CDH18: variants seen among roughly 807,000 people sequenced by gnomAD.
CDH18 encodes the protein cadherin-18.
In CDH18, 31 loss-of-function variants were observed where a neutral mutation model predicts 67.9. The observed-to-expected ratio is 0.46, with a 90% confidence interval of 0.34 to 0.62. CDH18 has a LOEUF of 0.62. Among genes scored for constraint, CDH18 ranks in the 20% least tolerant of loss-of-function variants. The pLI is 0.01. For missense variants in CDH18, 890 were observed against 975.5 expected (o/e 0.91, Z 1.17); for synonymous variants, 362 against 347.2 (o/e 1.04, Z -0.48).
chr5:20,552,856 G>T (rs1350443985), intron 1 of CDH18, among the ~76,000 whole-genome samples: 2 of 151,926 alleles, frequency 1.3e-5, no homozygotes, highest in African/African-American at 4.8e-5. Context: ...CGCGGTTCAA[G>T]CAATTCTCCT....
intron 2 of CDH18, among the ~76,000 whole-genome samples, chr5:20,028,604 C>T (rs541534273): frequency 1.4e-3 from 212 of 152,222 alleles, no homozygotes; most frequent in African/African-American, 4.7e-3. Context: ...CCAATGGATG[C>T]CTGAAACCTC....
chr5:20,190,435 T>C (rs530352716), intron 2 of CDH18, among the ~76,000 whole-genome samples: 4 of 152,148 alleles, frequency 2.6e-5, no homozygotes, highest in Non-Finnish European at 5.9e-5. Flanking sequence ...AATCCCCGAT[T>C]GATACTCTTA....
chr5:19,680,536 A>G (rs1195879812), intron 5 of CDH18, among the ~76,000 whole-genome samples: 1 of 151,978 alleles, frequency 6.6e-6, no homozygotes, highest in Non-Finnish European at 1.5e-5. Context: ...TAATAAATGT[A>G]TAATAGCCAG....
intron 2 of CDH18, among the ~76,000 whole-genome samples, chr5:20,086,698 G>A (rs868246265): frequency 1.3e-5 from 2 of 152,242 alleles, no homozygotes; most frequent in Middle Eastern, 3.4e-3. Flanking sequence ...ATGACAGCAG[G>A]TCTGTTTACA....
At chr5:19,510,925 C>G (rs1265557411) in intron 10 of CDH18, among the ~76,000 whole-genome samples, 1 of 151,952 alleles carries the variant, frequency 6.6e-6, no homozygotes, top group Non-Finnish European at 1.5e-5. Context: ...GATTCTCCTG[C>G]CTCAGCCTCC....
intron 5 of CDH18, among the ~76,000 whole-genome samples, chr5:19,699,491 A>G (rs76759334): frequency 0.039 from 5,999 of 152,150 alleles, 387 homozygotes; most frequent in African/African-American, 0.14. Context: ...CCAATTTGTT[A>G]GTATTTGTAG....
chr5:19,726,324 T>C (rs1294788830), intron 4 of CDH18, among the ~76,000 whole-genome samples: 10 of 152,142 alleles, frequency 6.6e-5, no homozygotes, highest in Non-Finnish European at 1.5e-5. Context: ...AAAAGAATGG[T>C]CATTAACAGC....
In CDH18 at chr5:20,501,204, T is replaced by A. The variant is rs1581115567; in HGVS notation, c.-580+74258A>T. ...CATGATTTTCAAGATCTTCCCTAGCTTTAGCAACATGTAAAATTATTAAAT... is the reference window on the plus strand; with the variant it reads ...CATGATTTTCAAGATCTTCCCTAGCATTAGCAACATGTAAAATTATTAAAT... On this transcript the variant is annotated intron_variant, in intron 1 of 14. Transcript: ENST00000507958. Among the ~76,000 whole-genome samples the A allele has an allele frequency of 5.3e-5, 8 of 151,980 alleles. 2 individuals carry two copies. Among genetic ancestry groups the A allele is most frequent in the Admixed American group, 5.3e-4 (8 of 15,238 alleles).
At chr5:20,469,542 TG>T (rs1280349258) in intron 1 of CDH18, among the ~76,000 whole-genome samples, 1 of 152,204 alleles carries the variant, frequency 6.6e-6, no homozygotes, top group Non-Finnish European at 1.5e-5. Context: ...ACAAGTTTGC[TG>T]TAACGGATAC....
chr5:19,598,624 AATG>A (rs1403071198), intron 6 of CDH18, among the ~76,000 whole-genome samples: 5 of 152,176 alleles, frequency 3.3e-5, no homozygotes, highest in Non-Finnish European at 5.9e-5. Flanking sequence ...GAAAAAACTA[AATG>A]ATAATTGTAT....
intron 4 of CDH18, among the ~76,000 whole-genome samples, chr5:19,727,058 G>A (rs1014438375): frequency 1.3e-5 from 2 of 152,094 alleles, no homozygotes; most frequent in Non-Finnish European, 2.9e-5. Context: ...ACAAATAAAT[G>A]TTGTTTAAGC....
intron 1 of CDH18, among the ~76,000 whole-genome samples, chr5:20,295,100 C>T (rs991249862): frequency 1.3e-5 from 2 of 152,136 alleles, no homozygotes; most frequent in African/African-American, 4.8e-5. Flanking sequence ...GTTTTCTCCA[C>T]TGTTTTAAGA....
At chr5:19,541,151 A>G (rs114951051) in intron 9 of CDH18, among the ~76,000 whole-genome samples, 4,367 of 152,190 alleles carry the variant, frequency 0.029, 147 homozygotes, top group African/African-American at 0.088. Context: ...CTAAGGTACA[A>G]TAAGAGTCAC....
intron 1 of CDH18, among the ~76,000 whole-genome samples, chr5:20,384,977 C>T (rs935198021): frequency 6.6e-6 from 1 of 151,984 alleles, no homozygotes; most frequent in Non-Finnish European, 1.5e-5. Flanking sequence ...ACTAAGATCA[C>T]GGGTGCCCAC....
chr5:20,382,015 T>C (rs1743949146), intron 1 of CDH18, among the ~76,000 whole-genome samples: 1 of 152,166 alleles, frequency 6.6e-6, no homozygotes, highest in Admixed American at 6.5e-5. Flanking sequence ...AGTCTATGTA[T>C]TTTAATATTG....
intron 3 of CDH18, among the ~76,000 whole-genome samples, chr5:19,833,507 T>G (rs1781286854): frequency 6.6e-6 from 1 of 152,146 alleles, no homozygotes; most frequent in Admixed American, 6.6e-5. Flanking sequence ...CTGAATACCT[T>G]TTATTTCTTT....
At chr5:19,958,379 CAAAA>C (rs57913629) in intron 2 of CDH18, among the ~76,000 whole-genome samples, 9 of 66,630 alleles carry the variant, frequency 1.4e-4, no homozygotes, top group African/African-American at 3.7e-4. Flanking sequence ...TTTCCTTCAC[CAAAA>C]AAAAAAAAAA....
intron 1 of CDH18, among the ~76,000 whole-genome samples, chr5:20,400,892 C>T (rs796401427): frequency 1.3e-5 from 2 of 152,074 alleles, no homozygotes; most frequent in African/African-American, 2.4e-5. Context: ...TAATTTTATC[C>T]CTTGCACTGA....
chr5:20,211,072 G>C (rs1334348898), intron 2 of CDH18, among the ~76,000 whole-genome samples: 1 of 152,068 alleles, frequency 6.6e-6, no homozygotes, highest in East Asian at 1.9e-4. Context: ...TAAAGCAAAT[G>C]TATCAATAAA....
Sources: allele counts gnomAD v4.1 joint callset (sites outside exome capture counted in the v4.1 genomes callset), GRCh38; gene constraint gnomAD v4.1.1; transcripts MANE v1.5; gene names NCBI Gene and HGNC (gene_info 2026-07-23, HGNC 2026-07-21).